Variants in DOCK11 observed in about 807,000 individuals in gnomAD.
DOCK11 encodes the protein dedicator of cytokinesis protein 11.
DOCK11 carries 70 observed loss-of-function variants against 169.1 expected under a neutral mutation model. The observed-to-expected ratio is 0.41, with a 90% CI of 0.34 to 0.51. The LOEUF (loss-of-function observed/expected upper bound fraction) is 0.51, where lower values mean the gene tolerates loss of function less well. Among genes scored for constraint, DOCK11 ranks in the 20% least tolerant of loss-of-function variants. The probability of loss-of-function intolerance (pLI) is 0.10; values close to 1 mark genes in which losing one functional copy is unlikely to be tolerated. For synonymous variants in DOCK11, 529 were observed against 541.3 expected (o/e 0.98, Z 0.32); for missense variants, 1,166 against 1,538.8 (o/e 0.76, Z 4.05).
intron 52 of DOCK11, among the ~76,000 whole-genome samples, chrX:118,684,887 C>G (rs979668954): frequency 9.0e-6 from 1 of 111,619 alleles, no homozygotes; most frequent in African/African-American, 3.3e-5. Context: ...CACTATAGAT[C>G]AATCTGTGGG....
chrX:118,525,259 C>T (rs1336537127), intron 1 of DOCK11, among the ~76,000 whole-genome samples: 2 of 111,857 alleles, frequency 1.8e-5, no homozygotes, highest in African/African-American at 6.5e-5. Context: ...CACCACTGTT[C>T]ATAGCAGCAT....
chrX:118,606,218 C>T (rs1265447379), intron 24 of DOCK11, among the ~76,000 whole-genome samples: 5 of 109,124 alleles, frequency 4.6e-5, no homozygotes, highest in Non-Finnish European at 9.5e-5. Flanking sequence ...TACAGGCGCC[C>T]ACCACCATGC....
At chrX:118,651,371 C>T (rs1179699073) in intron 41 of DOCK11, among the ~76,000 whole-genome samples, 1 of 111,478 alleles carries the variant, frequency 9.0e-6, no homozygotes, top group Non-Finnish European at 1.9e-5. Context: ...GAGGTTGAGG[C>T]TGCAGTGAAC....
At chrX:118,632,062 C>G (rs1004169457) in intron 35 of DOCK11, among the ~76,000 whole-genome samples, 2 of 111,432 alleles carry the variant, frequency 1.8e-5, no homozygotes, top group East Asian at 2.8e-4. Context: ...TCAAGTGATT[C>G]TCCTGTTTCA....
At chrX:118,569,091 C>CTTTTTT (rs1186200391) in intron 10 of DOCK11, among the ~76,000 whole-genome samples, 192 of 44,916 alleles carry the variant, frequency 4.3e-3, no homozygotes, top group Non-Finnish European at 5.4e-3. Flanking sequence ...TCTTTCTTTC[C>CTTTTTT]TTTTTTTTTT....
intron 31 of DOCK11, among the ~76,000 whole-genome samples, chrX:118,619,575 A>T (rs1308867191): frequency 9.2e-6 from 1 of 108,180 alleles, no homozygotes; most frequent in Admixed American, 1.0e-4. Flanking sequence ...GAATAACATA[A>T]CTGCTTCATG....
intron 1 of DOCK11, among the ~76,000 whole-genome samples, chrX:118,533,361 G>A (rs2011648529): frequency 1.8e-5 from 2 of 112,005 alleles, no homozygotes; most frequent in South Asian, 7.3e-4. Context: ...GCCCAAAAAA[G>A]GTAGAGATAA....
chrX:118,676,749 C>T lies in DOCK11; in HGVS notation c.5460+12C>T, dbSNP rs201186904. ...AGGATTCAGACAAGGTAACACATAC[C>T]CTACATGTTGAAATCATTATTTGTT... On this transcript the variant is annotated intron_variant, in intron 48 of 52. Transcript: ENST00000276202. The T allele has an allele frequency of 3.8e-5, 45 of 1,175,093 alleles. No homozygotes were observed. The African/African-American group carries it at 7.6e-4, about 20-fold the overall frequency.
rs1256339553 is a variant in DOCK11, at chrX:118,538,361, TA to T, written c.103-4362del. On this transcript the variant is annotated intron_variant, in intron 1 of 52. Coordinates refer to ENST00000276202, the MANE Select transcript of DOCK11 (RefSeq NM_144658.4). ...CTTGTCTACTTGACAAAGCGTTTGG[TA>T]ACAAACAGAATGCATATGAAAGTGT... Among the ~76,000 whole-genome samples the T allele has an allele frequency of 4.4e-4, 50 of 112,360 alleles. No individual in the cohort carries two copies. In the South Asian group the frequency reaches 0.017, roughly 39 times the overall value.
intron 22 of DOCK11, among the ~76,000 whole-genome samples, chrX:118,598,639 G>A (rs2014243632): frequency 9.0e-6 from 1 of 111,291 alleles, no homozygotes; most frequent in African/African-American, 3.3e-5. Flanking sequence ...GGTTCCTGAT[G>A]TAGTCCATGC....
intron 32 of DOCK11, among the ~76,000 whole-genome samples, chrX:118,624,955 TCA>T (rs1174904604): frequency 1.8e-5 from 2 of 108,331 alleles, no homozygotes; most frequent in Non-Finnish European, 3.8e-5. Context: ...AGACAGGGTC[TCA>T]CTGTGCAGCC....
At chrX:118,668,940 A>G (rs1000061380) in intron 45 of DOCK11, among the ~76,000 whole-genome samples, 17 of 111,927 alleles carry the variant, frequency 1.5e-4, no homozygotes, top group Non-Finnish European at 2.8e-4. Context: ...TTGTTATAAC[A>G]TAAAGTACAA....
intron 1 of DOCK11, among the ~76,000 whole-genome samples, chrX:118,500,617 TTTTG>T (rs1407825243): frequency 3.6e-5 from 4 of 110,280 alleles, no homozygotes; most frequent in African/African-American, 1.3e-4. Flanking sequence ...AACTTTTTAT[TTTTG>T]TTTATGTATT....
chrX:118,566,538 T>A (rs1390367455), intron 8 of DOCK11, 36 bp from the exon 9 acceptor site: 1 of 1,167,190 alleles, frequency 8.6e-7, no homozygotes, highest in Non-Finnish European at 1.2e-6. Context: ...TAATGGTCTG[T>A]ATGGTTTAGA....
At position 118,666,254 on chromosome X, in the gene DOCK11, C is replaced by T. The variant is rs770141519; in HGVS notation, c.5076+3462C>T. ...CCTGGGCAACAGAACGAGACTGTGT[C>T]TCAAAAATAAAAATAAAAATGATAT... On this transcript the variant is annotated intron_variant, in intron 45 of 52. Coordinates refer to ENST00000276202, the MANE Select transcript of DOCK11 (RefSeq NM_144658.4). Among the ~76,000 whole-genome samples the T allele has an allele frequency of 3.8e-3, 421 of 111,660 alleles. 3 individuals carry two copies. The highest frequency in any genetic ancestry group is 0.013 in the African/African-American group (413 of 30,714).
intron 31 of DOCK11, among the ~76,000 whole-genome samples, chrX:118,621,664 C>T (rs1283450031): frequency 9.1e-6 from 1 of 110,376 alleles, no homozygotes; most frequent in African/African-American, 3.3e-5. Flanking sequence ...GACGGAGTCT[C>T]GCTGTGTAGC....
rs1270961091 is a variant in DOCK11 at position 118,599,302 on chromosome X, A to T, written c.2562+74A>T. ...TGTTGCCACATTTTGGTGTGAAAAA[A>T]AAAAGCAAACAGACAGTTTAAAATA... On this transcript the variant is annotated intron_variant, in intron 23 of 52. Coordinates refer to ENST00000276202, the MANE Select transcript of DOCK11 (RefSeq NM_144658.4). The T allele has an allele frequency of 1.4e-5, 11 of 791,769 alleles. No homozygotes were observed. The East Asian group carries it at 3.7e-4, about 26-fold the overall frequency. 65.3% of individuals were successfully genotyped at this position (791,769 alleles called of 1,213,427 possible). A position where few individuals can be genotyped will look rare whatever the true frequency, so the allele number is the denominator to read the frequency against.
chrX:118,625,086 ACT>A (rs993893355), intron 32 of DOCK11, among the ~76,000 whole-genome samples: 2 of 109,549 alleles, frequency 1.8e-5, no homozygotes, highest in African/African-American at 6.6e-5. Flanking sequence ...CTCCATGTAC[ACT>A]GTTTTTCCTA....
At chrX:118,586,843 G>A (rs187419259) in intron 16 of DOCK11, among the ~76,000 whole-genome samples, 2 of 112,046 alleles carry the variant, frequency 1.8e-5, no homozygotes, top group Admixed American at 9.5e-5. Context: ...GTGGAGATAG[G>A]AGATAAAATA....
Sources: allele counts gnomAD v4.1 joint callset (sites outside exome capture counted in the v4.1 genomes callset), GRCh38; gene constraint gnomAD v4.1.1; transcripts MANE v1.5; gene names NCBI Gene and HGNC (gene_info 2026-07-23, HGNC 2026-07-21).